Variants in CFAP74 observed in about 807,000 individuals in gnomAD.
The protein encoded by CFAP74 is cilia and flagella associated protein 74.
A neutral mutation model predicts 188.9 loss-of-function variants in CFAP74; 124 were observed. The ratio of observed to expected loss-of-function variants is 0.66; its 90% CI spans 0.57 to 0.76. CFAP74 has a LOEUF of 0.76. CFAP74 is among the 30% of genes least tolerant of loss of function. CFAP74 has a pLI of 0.00. For synonymous variants in CFAP74, 956 were observed against 916.7 expected (o/e 1.04, Z -0.77); for missense variants, 2,198 against 2,165.2 (o/e 1.02, Z -0.30).
chr1:1,924,401 C>A lies in CFAP74; in HGVS notation c.4224G>T (p.Thr1408=). ...CCACCCCCCGCTCACCGACCACCTC[C>A]GTCCTCTGGGAGGGCGAGCTGAGGA... is the stretch of plus-strand genomic sequence containing the variant. ...PQFLSSPSQR[T]EVVGTQNLNG... The change falls in exon 34 of 39, where the codon ACG becomes ACT. Residue 1408 remains threonine, a synonymous_variant. Coordinates refer to ENST00000682832, the MANE Select transcript of CFAP74 (RefSeq NM_001304360.2). The A allele has an allele frequency of 8.2e-7, 1 of 1,225,446 alleles. No individual in the cohort carries two copies. The highest frequency in any genetic ancestry group is 5.8e-5 in the East Asian group (1 of 17,296). The allele number at this position is 1,225,446 out of a possible 1,614,324, so 75.9% of individuals were successfully genotyped here. A position where few individuals can be genotyped will look rare whatever the true frequency, so the allele number is the denominator to read the frequency against.
intron 21 of CFAP74, 90 bp downstream of exon 21, chr1:1,944,241 A>C: frequency 1.3e-6 from 2 of 1,483,164 alleles, no homozygotes; most frequent in Non-Finnish European, 9.0e-7. Flanking sequence ...GTGCGTGGAC[A>C]GGAGGGGGCT....
intron 25 of CFAP74, among the ~76,000 whole-genome samples, chr1:1,934,567 G>A (rs1357115756): frequency 1.3e-5 from 2 of 151,282 alleles, no homozygotes; most frequent in South Asian, 2.1e-4. Context: ...GTACACACGT[G>A]TGTACGTGGG....
intron 6 of CFAP74, 49 bp from the exon 7 acceptor site, chr1:1,974,247 G>A (rs771464659): frequency 6.6e-7 from 1 of 1,524,122 alleles, no homozygotes; most frequent in Non-Finnish European, 8.9e-7. Context: ...CAGTCATCCT[G>A]GGGTGGGGGT....
intron 25 of CFAP74, among the ~76,000 whole-genome samples, chr1:1,938,558 TCAC>T (rs1653114602): frequency 6.6e-6 from 1 of 150,982 alleles, no homozygotes; most frequent in African/African-American, 2.4e-5. Flanking sequence ...GCACACACGT[TCAC>T]ACACACACAC....
chr1:1,976,661 G>T (rs28789409), intron 6 of CFAP74, among the ~76,000 whole-genome samples: 46,088 of 152,018 alleles, frequency 0.3, 7,250 homozygotes, highest in Non-Finnish European at 0.34. Flanking sequence ...TCCCGCCTCA[G>T]CCTCTTGAAT....
chr1:1,933,599 T>A (rs1291932721), intron 25 of CFAP74, among the ~76,000 whole-genome samples: 1 of 152,228 alleles, frequency 6.6e-6, no homozygotes, highest in African/African-American at 2.4e-5. Flanking sequence ...TCTCTTCTTA[T>A]CGCTTTGATA....
At chr1:1,969,973 T>C (rs560344453) in intron 10 of CFAP74, among the ~76,000 whole-genome samples, 2 of 152,182 alleles carry the variant, frequency 1.3e-5, no homozygotes, top group African/African-American at 4.8e-5. Flanking sequence ...TGGAGGTCAC[T>C]GGGGAGCGTT....
intron 33 of CFAP74, among the ~76,000 whole-genome samples, chr1:1,925,248 GCA>G (rs1301630823): frequency 2.7e-5 from 4 of 149,206 alleles, no homozygotes; most frequent in Admixed American, 6.6e-5. Flanking sequence ...AGGCATGAGG[GCA>G]CACAGGGCAG....
chr1:1,998,602 C>T (rs1313807931), intron 1 of CFAP74, among the ~76,000 whole-genome samples: 5 of 151,970 alleles, frequency 3.3e-5, no homozygotes, highest in African/African-American at 4.8e-5. Flanking sequence ...AGCCTGGGCG[C>T]GGTGGCTCAC....
In CFAP74 at chr1:1,956,712, G is replaced by A. The variant is rs748982858; in HGVS notation, c.1924C>T (p.Leu642=). 1 of 1,614,032 alleles carries A rather than the reference G, an allele frequency of 6.2e-7. No homozygotes were observed. Among genetic ancestry groups the A allele is most frequent in the East Asian group, 2.2e-5 (1 of 44,870 alleles). Residue 642 remains leucine, a synonymous_variant, in exon 17 of 39, where the codon CTG becomes TTG. Transcript: ENST00000682832. ...GTGCCCAAGCCCCCAACGTTGGTCA[G>A]CGTGATGGTCCGAGACGTGGTCTCT... ...VGETTSRTIT[L]TNVGGLGTTF... is the part of the protein sequence containing the mutation.
chr1:1,937,708 C>G (rs1468205765), intron 25 of CFAP74, among the ~76,000 whole-genome samples: 3 of 152,172 alleles, frequency 2.0e-5, no homozygotes, highest in Non-Finnish European at 4.4e-5. Flanking sequence ...AGAACCCACG[C>G]AGGACCACCA....
chr1:1,985,530 TCA>T, intron 5 of CFAP74, 40 bp from the exon 6 acceptor site: 1 of 1,532,658 alleles, frequency 6.5e-7, no homozygotes, highest in Non-Finnish European at 9.0e-7. Flanking sequence ...GTGTCAGGCC[TCA>T]GTCATCCAGG....
chr1:2,002,376 A>C (rs1279281485), intron 1 of CFAP74, among the ~76,000 whole-genome samples: 2 of 151,356 alleles, frequency 1.3e-5, no homozygotes, highest in Non-Finnish European at 2.9e-5. Flanking sequence ...AATTTATATA[A>C]AATTTAAAAT....
intron 25 of CFAP74, among the ~76,000 whole-genome samples, chr1:1,931,730 T>G (rs1212639022): frequency 3.6e-5 from 4 of 111,336 alleles, no homozygotes; most frequent in African/African-American, 1.5e-4. Context: ...GAGCAAAGAC[T>G]CTGTCTCTGT....
intron 25 of CFAP74, among the ~76,000 whole-genome samples, chr1:1,933,350 T>C (rs1268358912): frequency 2.0e-5 from 3 of 151,852 alleles, no homozygotes; most frequent in Non-Finnish European, 4.4e-5. Context: ...TGGCTAATTT[T>C]TGCATTTTTA....
At chr1:1,967,526 G>T (rs544501884) in intron 11 of CFAP74, among the ~76,000 whole-genome samples, 123 of 152,090 alleles carry the variant, frequency 8.1e-4, no homozygotes, top group Admixed American at 1.7e-3. Flanking sequence ...CAAAGGCCCC[G>T]GCGTGAGACG....
In CFAP74 at chr1:1,970,014, C is replaced by T. The variant is rs79252606; in HGVS notation, c.1046+645G>A. Among the ~76,000 whole-genome samples, 685 of 152,266 alleles carry T rather than the reference C, an allele frequency of 4.5e-3. 17 individuals are homozygous for T. The East Asian group carries it at 0.08, about 18-fold the overall frequency. ...CAGGGCTGGGAAAGGCGAGACTGAG[C>T]GGGAGAGAGGGGCCTTGTAGGAACC... On this transcript the variant is annotated intron_variant, in intron 10 of 38. Transcript: ENST00000682832.
chr1:1,958,206 T>C (rs546044242), intron 16 of CFAP74, among the ~76,000 whole-genome samples: 5 of 152,334 alleles, frequency 3.3e-5, no homozygotes, highest in Admixed American at 2.6e-4. Flanking sequence ...CGGGTGACCA[T>C]GAGGGCGTCT....
intron 24 of CFAP74, among the ~76,000 whole-genome samples, 183 bp from the exon 25 acceptor site, chr1:1,939,171 AG>A (rs1251464326): frequency 6.6e-6 from 1 of 152,156 alleles, no homozygotes; most frequent in Non-Finnish European, 1.5e-5. Context: ...CATGTGTATG[AG>A]TGCATGAGCA....
Sources: allele counts gnomAD v4.1 joint callset (sites outside exome capture counted in the v4.1 genomes callset), GRCh38; gene constraint gnomAD v4.1.1; transcripts MANE v1.5; gene names NCBI Gene and HGNC (gene_info 2026-07-23, HGNC 2026-07-21).